CNTLN: variants seen among roughly 807,000 people sequenced by gnomAD.
CNTLN encodes the protein centlein, centrosomal protein.
Under a neutral mutation model 180.0 loss-of-function variants are expected in CNTLN, and 212 were observed. The observed-to-expected ratio is 1.18, with a 90% CI of 1.05 to 1.32. CNTLN has a LOEUF of 1.32. Among genes scored for constraint, CNTLN ranks in the 40% most tolerant of loss-of-function variants. CNTLN has a pLI of 0.00. For synonymous variants in CNTLN, 722 were observed against 563.1 expected (o/e 1.28, Z -3.99); for missense variants, 2,095 against 1,610.9 (o/e 1.30, Z -5.14).
At chr9:17,495,045 A>AT in intron 25 of CNTLN, 10 of 388,352 alleles carry the variant, frequency 2.6e-5, no homozygotes, top group Non-Finnish European at 3.5e-5. Flanking sequence ...TGCCCAGCTA[A>AT]TTTTTTTTAT....
intron 5 of CNTLN, among the ~76,000 whole-genome samples, chr9:17,237,234 T>C (rs1825200516): frequency 6.6e-6 from 1 of 150,736 alleles, no homozygotes; most frequent in Non-Finnish European, 1.5e-5. Flanking sequence ...TCTTTAGAGG[T>C]TTTTGCTAAT....
At chr9:17,296,425 C>G (rs1173739346) in intron 6 of CNTLN, among the ~76,000 whole-genome samples, 1 of 152,122 alleles carries the variant, frequency 6.6e-6, no homozygotes, top group African/African-American at 2.4e-5. Context: ...CAAATGTCTT[C>G]TAACATGGGA....
chr9:17,165,337 T>C (rs1445083853), intron 2 of CNTLN, among the ~76,000 whole-genome samples: 1 of 152,040 alleles, frequency 6.6e-6, no homozygotes, highest in Non-Finnish European at 1.5e-5. Context: ...AAATGACTAG[T>C]AGAGTTTTAA....
chr9:17,374,137 C>G lies in CNTLN; in HGVS notation c.1987+7420C>G, dbSNP rs144476814. On this transcript the variant is annotated intron_variant, in intron 13 of 25. Coordinates refer to ENST00000380647, the MANE Select transcript of CNTLN (RefSeq NM_017738.4). ...CATGGGATTACATGAAGCTAAAAAG[C>G]TTCTGGACAGCAAGGGAACAATCAA... 2.8e-3 allele frequency among the ~76,000 whole-genome samples: 428 copies of G among 152,226 alleles called. 2 individuals are homozygous for G. Among genetic ancestry groups the G allele is most frequent in the African/African-American group, 9.9e-3 (411 of 41,556 alleles).
intron 1 of CNTLN, among the ~76,000 whole-genome samples, chr9:17,142,290 T>C (rs982750462): frequency 6.6e-6 from 1 of 152,180 alleles, no homozygotes; most frequent in Admixed American, 6.5e-5. Context: ...TTAGTGTTAG[T>C]GTATTTTATA....
intron 16 of CNTLN, among the ~76,000 whole-genome samples, chr9:17,413,802 G>T (rs1018005158): frequency 2.6e-5 from 4 of 152,062 alleles, no homozygotes; most frequent in Non-Finnish European, 5.9e-5. Context: ...CTCTGAAAAA[G>T]TTTGTCAGTT....
chr9:17,254,029 T>A (rs117227218), intron 5 of CNTLN, among the ~76,000 whole-genome samples: 331 of 151,812 alleles, frequency 2.2e-3, no homozygotes, highest in Non-Finnish European at 3.4e-3. Context: ...TTAATTGAGA[T>A]GATCAGATTA....
chr9:17,360,968 G>T (rs976052559), intron 12 of CNTLN, among the ~76,000 whole-genome samples: 1 of 152,116 alleles, frequency 6.6e-6, no homozygotes, highest in African/African-American at 2.4e-5. Context: ...CAAATGTTCT[G>T]TATCCTTACT....
In CNTLN at chr9:17,135,215, G is replaced by T. The variant is rs777311921; in HGVS notation, c.150G>T (p.Ala50=). The part of the protein sequence containing the change: ...GFAGAAREVV[A]DESDKIWVGE... ...CCGGCGCAGCGCGGGAGGTGGTCGC[G>T]GACGAAAGTGATAAAATCTGGGTGG... Residue 50 remains alanine, a synonymous_variant, in exon 1 of 26, where the codon GCG becomes GCT. Transcript: ENST00000380647. 1.2e-6 allele frequency: 2 copies of T among 1,610,274 alleles called. No homozygotes were observed. The highest frequency in any genetic ancestry group is 1.7e-4 in the Middle Eastern group (1 of 6,052).
chr9:17,502,224 T>C (rs917720182), intron 25 of CNTLN, among the ~76,000 whole-genome samples: 3 of 152,238 alleles, frequency 2.0e-5, no homozygotes, highest in African/African-American at 7.2e-5. Context: ...GAGATGACTG[T>C]AACCTACTAT....
chr9:17,359,889 G>T (rs953649404), intron 12 of CNTLN, among the ~76,000 whole-genome samples: 1 of 151,512 alleles, frequency 6.6e-6, no homozygotes, highest in Middle Eastern at 3.4e-3. Flanking sequence ...AACAGAGTGA[G>T]GCTGTCTCAA....
chr9:17,148,467 C>T lies in CNTLN; in HGVS notation c.449+5091C>T, dbSNP rs533255181. The stretch of plus-strand genomic sequence containing the variant: ...ACTTCATTTATTGTTGATTCATTGA[C>T]GTCGAACTCTTGGCCAAAAGCACTG... On this transcript the variant is annotated intron_variant, in intron 2 of 25. Transcript: ENST00000380647. Among the ~76,000 whole-genome samples, 7 of 152,274 alleles carry T rather than the reference C, an allele frequency of 4.6e-5. No individual in the cohort carries two copies. The East Asian group carries it at 7.7e-4, about 17-fold the overall frequency.
intron 16 of CNTLN, among the ~76,000 whole-genome samples, chr9:17,412,547 T>A (rs1207049862): frequency 6.6e-6 from 1 of 152,194 alleles, no homozygotes; most frequent in Non-Finnish European, 1.5e-5. Context: ...AATGGTTTTT[T>A]TAATCACTTT....
At chr9:17,166,547 T>C (rs1182014049) in intron 2 of CNTLN, among the ~76,000 whole-genome samples, 1 of 152,194 alleles carries the variant, frequency 6.6e-6, no homozygotes, top group African/African-American at 2.4e-5. Context: ...CACATTATTA[T>C]GCAATTTTAG....
intron 2 of CNTLN, among the ~76,000 whole-genome samples, chr9:17,222,225 G>A (rs369347795): frequency 8.6e-5 from 13 of 151,994 alleles, no homozygotes; most frequent in African/African-American, 2.7e-4. Flanking sequence ...GTACTTTTCA[G>A]TATTTCTGTG....
chr9:17,367,352 A>C (rs2133446196), intron 13 of CNTLN, among the ~76,000 whole-genome samples: 1 of 152,228 alleles, frequency 6.6e-6, no homozygotes, highest in Admixed American at 6.5e-5. Flanking sequence ...TTGGAACCTG[A>C]GTTCTGGCAA....
intron 14 of CNTLN, among the ~76,000 whole-genome samples, chr9:17,391,060 C>G (rs113664657): frequency 0.011 from 1,616 of 152,188 alleles, 30 homozygotes; most frequent in African/African-American, 0.037. Flanking sequence ...CCACAGGACG[C>G]TTCAAAAACA....
intron 2 of CNTLN, among the ~76,000 whole-genome samples, chr9:17,147,447 C>G (rs1818532058): frequency 6.6e-6 from 1 of 152,104 alleles, no homozygotes; most frequent in African/African-American, 2.4e-5. Flanking sequence ...TCTATACTTA[C>G]TAATTGGGTA....
chr9:17,267,463 C>T (rs1827564792), intron 5 of CNTLN, among the ~76,000 whole-genome samples: 2 of 152,172 alleles, frequency 1.3e-5, no homozygotes. Flanking sequence ...TCTCTGGCTG[C>T]CCTTAACATT....
Sources: allele counts gnomAD v4.1 joint callset (sites outside exome capture counted in the v4.1 genomes callset), GRCh38; gene constraint gnomAD v4.1.1; transcripts MANE v1.5; gene names NCBI Gene and HGNC (gene_info 2026-07-23, HGNC 2026-07-21).